Variants in RPTOR observed in about 807,000 individuals in gnomAD.
The protein encoded by RPTOR is regulatory-associated protein of mTOR.
In RPTOR, 21 loss-of-function variants were observed where a neutral mutation model predicts 169.9. The ratio of observed to expected loss-of-function variants is 0.12; its 90% CI spans 0.09 to 0.18. The LOEUF is 0.18. RPTOR is among the 10% of genes least tolerant of loss of function. The probability of loss-of-function intolerance (pLI) is 1.00; values close to 1 mark genes in which losing one functional copy is unlikely to be tolerated. For missense variants in RPTOR, 1,133 were observed against 1,855.9 expected (o/e 0.61, Z 7.16); for synonymous variants, 732 against 753.2 (o/e 0.97, Z 0.46).
chr17:80,616,689 G>A (rs923711231), intron 1 of RPTOR, among the ~76,000 whole-genome samples: 9 of 152,184 alleles, frequency 5.9e-5, no homozygotes, highest in Admixed American at 3.3e-4. Flanking sequence ...TCGGGAGGTT[G>A]AGATGGGAGG....
chr17:80,650,607 A>G (rs966159330), intron 3 of RPTOR, among the ~76,000 whole-genome samples: 4 of 152,252 alleles, frequency 2.6e-5, no homozygotes, highest in Non-Finnish European at 5.9e-5. Context: ...TTACTATTTA[A>G]ACTTTTAAAA....
At position 80,846,294 on chromosome 17, in the gene RPTOR, G is replaced by T. The variant is rs569652560; in HGVS notation, c.1213-179G>T. Among the ~76,000 whole-genome samples the T allele has an allele frequency of 7.2e-5, 11 of 152,342 alleles. No homozygotes were observed. In the East Asian group the frequency reaches 2.1e-3, roughly 29 times the overall value. ...TGCCTCTGGTCCCTTCGTGCACCCC[G>T]CAGGCTCTCCCTCTTTGGCATGCCC... On this transcript the variant is annotated intron_variant, in intron 10 of 33. Transcript: ENST00000306801.
At chr17:80,608,904 T>A (rs998156390) in intron 1 of RPTOR, among the ~76,000 whole-genome samples, 1 of 152,156 alleles carries the variant, frequency 6.6e-6, no homozygotes, top group South Asian at 2.1e-4. Context: ...AAGCTGAGGG[T>A]GGTCAGACGC....
intron 3 of RPTOR, among the ~76,000 whole-genome samples, chr17:80,664,594 C>T (rs955481375): frequency 3.7e-4 from 56 of 152,232 alleles, no homozygotes; most frequent in Non-Finnish European, 1.2e-4. Context: ...CCTCCTCCTC[C>T]GTCCCTGCTG....
intron 3 of RPTOR, among the ~76,000 whole-genome samples, chr17:80,663,776 C>G (rs1286873376): frequency 1.3e-5 from 2 of 152,008 alleles, no homozygotes; most frequent in Non-Finnish European, 2.9e-5. Context: ...CTGAGCTCAC[C>G]CTGTCCTGAT....
At chr17:80,553,545 G>A (rs1033170101) in intron 1 of RPTOR, among the ~76,000 whole-genome samples, 7 of 152,194 alleles carry the variant, frequency 4.6e-5, no homozygotes, top group Non-Finnish European at 2.9e-5. Flanking sequence ...GATCCATAGT[G>A]ATATTAATGA....
At chr17:80,964,187 T>C (rs995782137) in intron 33 of RPTOR, 75 bp from the exon 34 acceptor site, 10 of 1,158,010 alleles carry the variant, frequency 8.6e-6, no homozygotes, top group Admixed American at 1.7e-5. Context: ...GGATGCGGGT[T>C]GGCCTGCGCC....
chr17:80,602,169 T>G (rs1219991111), intron 1 of RPTOR, among the ~76,000 whole-genome samples: 1 of 64,596 alleles, frequency 1.5e-5, no homozygotes, highest in South Asian at 3.7e-4. Context: ...CCTCACCTCC[T>G]GGGCAGGGCG....
chr17:80,688,850 G>A (rs934564037), intron 3 of RPTOR, among the ~76,000 whole-genome samples: 2 of 152,240 alleles, frequency 1.3e-5, no homozygotes, highest in African/African-American at 2.4e-5. Context: ...CCAGGCCGGC[G>A]CATGTTGGAA....
intron 13 of RPTOR, among the ~76,000 whole-genome samples, chr17:80,876,201 TC>T (rs1380307516): frequency 2.4e-4 from 27 of 112,542 alleles, no homozygotes; most frequent in East Asian, 2.9e-4. Context: ...TGCCGTGTCT[TC>T]CCACCGAACC....
At chr17:80,927,689 C>T (rs2068827768) in intron 24 of RPTOR, among the ~76,000 whole-genome samples, 1 of 148,174 alleles carries the variant, frequency 6.7e-6, no homozygotes, top group Non-Finnish European at 1.5e-5. Context: ...GTGTGTATCT[C>T]TGTATGTGTG....
At chr17:80,821,393 C>T (rs1484237566) in intron 7 of RPTOR, among the ~76,000 whole-genome samples, 2 of 152,224 alleles carry the variant, frequency 1.3e-5, no homozygotes, top group African/African-American at 4.8e-5. Context: ...ATCTTTTTGA[C>T]AGCGGGATCA....
chr17:80,879,626 G>C (rs1021481109), intron 13 of RPTOR, among the ~76,000 whole-genome samples: 3 of 152,152 alleles, frequency 2.0e-5, no homozygotes, highest in Admixed American at 6.5e-5. Context: ...GCCTCTCGCT[G>C]CTCCTTCAGG....
At chr17:80,715,549 A>G (rs1434578935) in intron 4 of RPTOR, among the ~76,000 whole-genome samples, 1 of 149,698 alleles carries the variant, frequency 6.7e-6, no homozygotes, top group Non-Finnish European at 1.5e-5. Context: ...TGTCAACCAC[A>G]TGGGTGGGTA....
intron 2 of RPTOR, among the ~76,000 whole-genome samples, chr17:80,630,073 T>C (rs1225723297): frequency 6.7e-6 from 1 of 148,976 alleles, no homozygotes; most frequent in Non-Finnish European, 1.5e-5. Context: ...GAAATGCATA[T>C]TGCCTGCCTT....
intron 13 of RPTOR, among the ~76,000 whole-genome samples, chr17:80,862,540 G>T (rs921988050): frequency 6.6e-6 from 1 of 151,218 alleles, no homozygotes; most frequent in Non-Finnish European, 1.5e-5. Context: ...ATGGTCCTCC[G>T]AAGCTCCGCC....
At chr17:80,594,704 T>C (rs980372861) in intron 1 of RPTOR, among the ~76,000 whole-genome samples, 2 of 152,218 alleles carry the variant, frequency 1.3e-5, no homozygotes, top group Non-Finnish European at 2.9e-5. Flanking sequence ...GAAAATGGAA[T>C]GTTTTAATTA....
intron 13 of RPTOR, among the ~76,000 whole-genome samples, chr17:80,875,439 C>A (rs1013052311): frequency 1.3e-5 from 2 of 152,176 alleles, no homozygotes; most frequent in Non-Finnish European, 2.9e-5. Context: ...ACAGAAGAAT[C>A]AAAATTGGCT....
chr17:80,567,292 A>T (rs981467375), intron 1 of RPTOR, among the ~76,000 whole-genome samples: 3 of 143,742 alleles, frequency 2.1e-5, no homozygotes, highest in African/African-American at 5.1e-5. Context: ...GTTTTATTTT[A>T]TTTTTTTTTT....
Sources: gnomAD v4.1 joint callset for allele counts (sites outside exome capture counted in the v4.1 genomes callset) on GRCh38, gnomAD v4.1.1 for gene constraint, MANE v1.5 for transcripts, NCBI Gene and HGNC (gene_info 2026-07-23, HGNC 2026-07-21) for gene names.